The following TEKT3 variants were observed in gnomAD, a reference collection of about 807,000 sequenced individuals.
TEKT3 encodes tektin-3.
TEKT3 carries 49 observed loss-of-function variants against 49.8 expected under a neutral mutation model. The observed-to-expected ratio is 0.98, with a 90% CI of 0.78 to 1.25. The LOEUF is 1.25. Among genes scored for constraint, TEKT3 ranks in the 50% most tolerant of loss-of-function variants. The pLI is 0.00. For missense variants in TEKT3, 595 were observed against 629.5 expected, an observed-to-expected ratio of 0.95 and a Z score of 0.59; for synonymous variants, 225 against 237.2, an observed-to-expected ratio of 0.95 and a Z score of 0.47.
At chr17:15,318,622 C>T (rs1329479297) in intron 5 of TEKT3, among the ~76,000 whole-genome samples, 1 of 152,110 alleles carries the variant, frequency 6.6e-6, no homozygotes, top group African/African-American at 2.4e-5. Context: ...ACTGCAGCCT[C>T]ATACTCTTGG....
intron 5 of TEKT3, 161 bp from the exon 6 acceptor site, chr17:15,314,391 G>A: frequency 1.1e-6 from 1 of 930,814 alleles, no homozygotes; most frequent in Non-Finnish European, 1.7e-6. Context: ...AGCACTCTCT[G>A]GATATGCCCA....
chr17:15,330,035 G>T (rs1911654981), intron 3 of TEKT3, among the ~76,000 whole-genome samples: 1 of 152,104 alleles, frequency 6.6e-6, no homozygotes, highest in African/African-American at 2.4e-5. Context: ...CTGGTCAGAG[G>T]CCAGTAACCA....
intron 7 of TEKT3, 65 bp downstream of exon 7, chr17:15,312,194 T>A: frequency 6.7e-7 from 1 of 1,486,016 alleles, no homozygotes; most frequent in East Asian, 2.3e-5. Flanking sequence ...GGTGAGAGAT[T>A]TGTAGTCCCA....
At position 15,304,550 on chromosome 17, in the gene TEKT3, C is replaced by T. The variant is rs984647122; in HGVS notation, c.1257-398G>A. 1.3e-5 allele frequency among the ~76,000 whole-genome samples: 2 copies of T among 152,208 alleles called. No homozygotes were observed. Among genetic ancestry groups the T allele is most frequent in the East Asian group, 1.9e-4 (1 of 5,170 alleles). On this transcript the variant is annotated intron_variant, in intron 8 of 8. Transcript: ENST00000395930. The surrounding 1 kb of genome is among the most constrained non-coding windows in gnomAD (Gnocchi z 4.7). ...GGGGTTCATAAGCTGTCCTTTCCAT[C>T]GACACAGGGCCCACATGTGTTTGTA...
chr17:15,312,080 A>C (rs1039333846), intron 7 of TEKT3, among the ~76,000 whole-genome samples, 179 bp downstream of exon 7: 3 of 152,074 alleles, frequency 2.0e-5, no homozygotes, highest in African/African-American at 7.2e-5. Flanking sequence ...TCATTTTGAC[A>C]CCTGGCTACC....
chr17:15,329,070 T>C (rs918471605), intron 3 of TEKT3, among the ~76,000 whole-genome samples: 101 of 152,334 alleles, frequency 6.6e-4, no homozygotes, highest in African/African-American at 2.4e-3. Context: ...AGGAAATTTC[T>C]ACCAATCCAT....
At chr17:15,330,065 T>C (rs1005180836) in intron 3 of TEKT3, among the ~76,000 whole-genome samples, 1 of 152,248 alleles carries the variant, frequency 6.6e-6, no homozygotes, top group Non-Finnish European at 1.5e-5. Flanking sequence ...CTCCCTACAT[T>C]ACTATGGCAA....
At chr17:15,307,873 T>A (rs1910611956) in intron 8 of TEKT3, among the ~76,000 whole-genome samples, 1 of 152,142 alleles carries the variant, frequency 6.6e-6, no homozygotes, top group Admixed American at 6.5e-5. Flanking sequence ...ATTGGGAAAT[T>A]GGAAATGAAG....
At chr17:15,312,161 G>T in intron 7 of TEKT3, 98 bp downstream of exon 7, 1 of 1,158,318 alleles carries the variant, frequency 8.6e-7, no homozygotes, top group Non-Finnish European at 1.3e-6. Context: ...GCTGTCACAT[G>T]CCTATGGTGC....
intron 3 of TEKT3, among the ~76,000 whole-genome samples, chr17:15,330,753 G>C (rs964078757): frequency 6.6e-6 from 1 of 152,046 alleles, no homozygotes; most frequent in African/African-American, 2.4e-5. Flanking sequence ...TGTCCTAATG[G>C]TGTCTATTTA....
At position 15,314,155 on chromosome 17, in the gene TEKT3, T is replaced by A; in HGVS notation, c.810A>T (p.Lys270Asn). The A allele has an allele frequency of 6.2e-7, 1 of 1,614,202 alleles. No individual in the cohort carries two copies. The highest frequency in any genetic ancestry group is 1.1e-5 in the South Asian group (1 of 91,078). Residue 270 changes from lysine (K) to asparagine (N), a missense_variant, in exon 6 of 9, where the codon AAA (lysine) becomes AAT (asparagine). By Grantham distance (94) the Lys-to-Asn change is moderately conservative. Coordinates refer to ENST00000395930, the MANE Select transcript of TEKT3 (RefSeq NM_031898.3). ...CTGATGTGTTGCGCAGGTGGTGGCA[T>A]TTGTCGTCGATCCGGTAAGCCGTCT... Reference protein sequence around the residue: ...DKQTAYRIDDKCHHLRNTSDG... With the variant: ...DKQTAYRIDDNCHHLRNTSDG...
chr17:15,341,527 G>T lies in TEKT3; in HGVS notation c.-73C>A, dbSNP rs1431876587. ...CAGCGAGACCACTCACCTGTCGGCG[G>T]ATGCCCGGCGAGGGGCGGGAAGGGG... On this transcript the variant is annotated 5_prime_UTR_variant, in exon 1 of 9. Transcript: ENST00000395930. 2 of 152,466 alleles carry T rather than the reference G, an allele frequency of 1.3e-5. No homozygotes were observed. The allele number at this position is 152,466 out of a possible 1,614,324, so 9.4% of individuals were successfully genotyped here. A position where few individuals can be genotyped will look rare whatever the true frequency, so the allele number is the denominator to read the frequency against.
rs750033959 is a variant in TEKT3, at chr17:15,312,243, C to T, written c.1101+16G>A. The T allele has an allele frequency of 6.2e-7, 1 of 1,612,980 alleles. No individual in the cohort carries two copies. The highest frequency in any genetic ancestry group is 8.5e-7 in the Non-Finnish European group (1 of 1,179,122). On this transcript the variant is annotated intron_variant, in intron 7 of 8. Coordinates refer to ENST00000395930, the MANE Select transcript of TEKT3 (RefSeq NM_031898.3). ...TGTCCAGGTCAGCTAAGGGGTACCA[C>T]TGGCGGTTGATTTACCTTTGCTAAG...
rs779576381 is a variant in TEKT3 at position 15,304,044 on chromosome 17, G to A, written c.1365C>T (p.Leu455=). The A allele has an allele frequency of 1.2e-6, 2 of 1,614,114 alleles. No homozygotes were observed. The highest frequency in any genetic ancestry group is 8.5e-7 in the Non-Finnish European group (1 of 1,180,026). ...TGGCTTTGACAGCCAGGTCATACTC[G>A]AGTGTGGCTTTGATGTGGACCAGCG... ...LQSLVHIKAT[L]EYDLAVKANS... The change falls in exon 9 of 9, where the codon CTC becomes CTT. Residue 455 remains leucine, a synonymous_variant. Transcript: ENST00000395930. This position sits in a 1 kb window ranked among gnomAD's most constrained non-coding sequence, Gnocchi z 4.7.
chr17:15,337,462 T>C (rs1210186635), intron 2 of TEKT3, among the ~76,000 whole-genome samples: 2 of 152,218 alleles, frequency 1.3e-5, no homozygotes, highest in Admixed American at 1.3e-4. Flanking sequence ...AGGCACAGAT[T>C]ATTAGAAATC....
chr17:15,319,141 C>G lies in TEKT3; in HGVS notation c.670G>C (p.Asp224His), dbSNP rs1911146203. The change falls in exon 5 of 9, where the codon GAT becomes CAT. Residue 224 changes from aspartate to histidine, a missense_variant. Transcript: ENST00000395930. The stretch of plus-strand genomic sequence containing the variant: ...CTTTCTTGACAACACAGAATAGTAT[C>G]AACTTCCTACTCAATTGGAAAAAAA... ...EVEAQLLTEV[D>H]TILCCQERMK... 6.2e-7 allele frequency: 1 copy of G among 1,603,988 alleles called. No individual in the cohort carries two copies. Among genetic ancestry groups the G allele is most frequent in the South Asian group, 1.1e-5 (1 of 88,044 alleles).
chr17:15,339,176 C>T (rs200136393), intron 2 of TEKT3, among the ~76,000 whole-genome samples: 4 of 152,086 alleles, frequency 2.6e-5, no homozygotes, highest in East Asian at 1.9e-4. Context: ...AATTCACCCC[C>T]GTTGTCTCTG....
chr17:15,332,723 C>A (rs190984439), intron 2 of TEKT3, among the ~76,000 whole-genome samples: 39 of 152,272 alleles, frequency 2.6e-4, no homozygotes, highest in Non-Finnish European at 4.7e-4. Context: ...GAAGGATTAG[C>A]AGAGTGTCGG....
At position 15,304,618 on chromosome 17, in the gene TEKT3, G is replaced by A. The variant is rs230966; in HGVS notation, c.1257-466C>T. On this transcript the variant is annotated intron_variant, in intron 8 of 8. Coordinates refer to ENST00000395930, the MANE Select transcript of TEKT3 (RefSeq NM_031898.3). This position sits in a 1 kb window ranked among gnomAD's most constrained non-coding sequence, Gnocchi z 4.7. ...CAGGAAGCTAAGAAGGAAATTCAGC[G>A]CTTCAGTGGCCATAATAAGAAACTG... 0.63 allele frequency among the ~76,000 whole-genome samples: 95,424 copies of A among 151,898 alleles called. 31,732 individuals are homozygous for A. The highest frequency in any genetic ancestry group is 0.78 in the South Asian group (3,742 of 4,808).
Sources: gnomAD v4.1 joint callset for allele counts (sites outside exome capture counted in the v4.1 genomes callset) on GRCh38, gnomAD v4.1.1 for gene constraint, Gnocchi (gnomAD v3.1) non-coding constraint, MANE v1.5 for transcripts, NCBI Gene and HGNC (gene_info 2026-07-23, HGNC 2026-07-21) for gene names.